TRIM2: variants seen among roughly 807,000 people sequenced by gnomAD.
The protein encoded by TRIM2 is tripartite motif-containing protein 2.
Under a neutral mutation model 75.2 loss-of-function variants are expected in TRIM2, and 20 were observed. The ratio of observed to expected loss-of-function variants is 0.27; its 90% CI spans 0.19 to 0.39. The LOEUF is 0.39. TRIM2 is among the 10% of genes least tolerant of loss of function. TRIM2 has a pLI of 1.00. For missense variants in TRIM2, 660 were observed against 990.8 expected (o/e 0.67, Z 4.48); for synonymous variants, 373 against 388.3 (o/e 0.96, Z 0.46).
intron 1 of TRIM2, among the ~76,000 whole-genome samples, chr4:153,214,403 A>G (rs569955203): frequency 8.0e-4 from 122 of 152,352 alleles, no homozygotes; most frequent in African/African-American, 2.8e-3. Context: ...CCATTTTAAA[A>G]TGCAAGTTTT....
intron 1 of TRIM2, among the ~76,000 whole-genome samples, chr4:153,153,936 A>G (rs917188472): frequency 6.6e-6 from 1 of 152,152 alleles, no homozygotes; most frequent in African/African-American, 2.4e-5. Flanking sequence ...AAAAGACCTC[A>G]ATTCCCTCCT....
chr4:153,300,529 G>A (rs181135706), intron 6 of TRIM2, among the ~76,000 whole-genome samples: 18 of 152,082 alleles, frequency 1.2e-4, no homozygotes, highest in African/African-American at 3.9e-4. Flanking sequence ...TCATATCCGC[G>A]ATGATTAGTG....
At chr4:153,299,522 G>T (rs554677083) in intron 6 of TRIM2, among the ~76,000 whole-genome samples, 17 of 152,242 alleles carry the variant, frequency 1.1e-4, no homozygotes, top group Admixed American at 1.0e-3. Context: ...CTTGACTTCA[G>T]TTTCTTTAGA....
rs374580437 is a variant in TRIM2, at chr4:153,258,427, G to A, written c.31-11908G>A. On this transcript the variant is annotated intron_variant, in intron 1 of 11. Transcript: ENST00000338700. ...GAAAAAAAAAAACCCTTGGGTTTTG[G>A]GTTGGTCCTTAGGTTTGCTTCCTGA... Among the ~76,000 whole-genome samples, 453 of 152,112 alleles carry A rather than the reference G, an allele frequency of 3.0e-3. 7 individuals are homozygous for A. The highest frequency in any genetic ancestry group is 0.01 in the African/African-American group (431 of 41,496).
chr4:153,295,981 C>T lies in TRIM2; in HGVS notation c.1455C>T (p.Tyr485=). The T allele has an allele frequency of 1.3e-6, 2 of 1,543,022 alleles. No individual in the cohort carries two copies. The highest frequency in any genetic ancestry group is 1.7e-6 in the Non-Finnish European group (2 of 1,148,148). ...CTGTGAAAAGACCCGCAAGCATGTA[C>T]AGCACTGGAAAACGAAAAGAGAATC... ...QKAVKRPASM[Y]STGKRKENPI... The change falls in exon 6 of 12, where the codon TAC becomes TAT. Residue 485 remains tyrosine, a synonymous_variant. Transcript: ENST00000338700. The surrounding 1 kb of genome is among the most constrained non-coding windows in gnomAD (Gnocchi z 7.2).
intron 2 of TRIM2, 112 bp downstream of exon 2, chr4:153,270,631 T>C (rs1324226392): frequency 2.2e-6 from 2 of 924,228 alleles, no homozygotes; most frequent in Non-Finnish European, 1.6e-6. Flanking sequence ...AACTAATCTC[T>C]TGTGCTTCTG....
At chr4:153,232,311 C>T (rs975011173) in intron 1 of TRIM2, among the ~76,000 whole-genome samples, 2 of 152,092 alleles carry the variant, frequency 1.3e-5, no homozygotes, top group East Asian at 3.9e-4. Context: ...CCAGCCTGGC[C>T]AACATGGTGA....
chr4:153,277,625 A>G (rs1758323806), intron 3 of TRIM2, among the ~76,000 whole-genome samples: 1 of 152,212 alleles, frequency 6.6e-6, no homozygotes, highest in African/African-American at 2.4e-5. Flanking sequence ...CTTTCACTTT[A>G]TAAGATGAAG....
At chr4:153,301,818 G>A (rs757896598) in intron 6 of TRIM2, among the ~76,000 whole-genome samples, 5 of 152,150 alleles carry the variant, frequency 3.3e-5, no homozygotes, top group Non-Finnish European at 4.4e-5. Context: ...TTATTTCTGA[G>A]CTCTCTATTC....
intron 10 of TRIM2, among the ~76,000 whole-genome samples, chr4:153,327,474 C>A (rs1282912729): frequency 6.6e-6 from 1 of 152,178 alleles, no homozygotes; most frequent in Non-Finnish European, 1.5e-5. Context: ...TTTGAGGAAA[C>A]CTTACTCTCA....
At chr4:153,302,257 T>C (rs1764072555) in intron 6 of TRIM2, among the ~76,000 whole-genome samples, 1 of 152,226 alleles carries the variant, frequency 6.6e-6, no homozygotes, top group Non-Finnish European at 1.5e-5. Context: ...CGTCTTTAAC[T>C]TTACATTCAA....
chr4:153,210,024 C>T (rs1312836654), intron 1 of TRIM2, among the ~76,000 whole-genome samples: 1 of 151,524 alleles, frequency 6.6e-6, no homozygotes. Flanking sequence ...TATAGTTTTC[C>T]AAGATATTCC....
intron 1 of TRIM2, among the ~76,000 whole-genome samples, chr4:153,177,140 T>C (rs962596775): frequency 1.2e-4 from 18 of 152,330 alleles, no homozygotes; most frequent in African/African-American, 4.3e-4. Context: ...ACCAGCCATT[T>C]CCTACATTCC....
chr4:153,334,183 C>T (rs1238257959), intron 11 of TRIM2, among the ~76,000 whole-genome samples: 3 of 151,748 alleles, frequency 2.0e-5, no homozygotes, highest in Non-Finnish European at 4.4e-5. Context: ...CCCTTCCCAC[C>T]CAATATTTGT....
chr4:153,296,117 A>T, intron 6 of TRIM2, 81 bp downstream of exon 6: 1 of 1,478,008 alleles, frequency 6.8e-7, no homozygotes, highest in Non-Finnish European at 9.0e-7. Flanking sequence ...GCAAATAGCA[A>T]CACTGCAGCC....
intron 1 of TRIM2, among the ~76,000 whole-genome samples, chr4:153,237,851 C>CT (rs1243691887): frequency 6.6e-6 from 1 of 151,978 alleles, no homozygotes; most frequent in South Asian, 2.1e-4. Context: ...TTAATTGTAT[C>CT]TTTTTTTCAA....
intron 2 of TRIM2, among the ~76,000 whole-genome samples, chr4:153,275,029 G>C (rs887035022): frequency 1.3e-5 from 2 of 152,178 alleles, no homozygotes; most frequent in Non-Finnish European, 2.9e-5. Flanking sequence ...GGAAAAAATT[G>C]TATAGTCTAA....
intron 1 of TRIM2, among the ~76,000 whole-genome samples, chr4:153,186,177 A>T (rs1041645720): frequency 3.3e-5 from 5 of 152,152 alleles, no homozygotes; most frequent in African/African-American, 4.8e-5. Flanking sequence ...AGCAGTGCCC[A>T]GGCTGAAAAA....
At chr4:153,207,657 T>A (rs1001170054) in intron 1 of TRIM2, among the ~76,000 whole-genome samples, 8 of 152,192 alleles carry the variant, frequency 5.3e-5, no homozygotes, top group African/African-American at 1.9e-4. Context: ...TCTCTCTGAT[T>A]TACTGGTGAC....
Sources: allele counts gnomAD v4.1 joint callset (sites outside exome capture counted in the v4.1 genomes callset), GRCh38; gene constraint gnomAD v4.1.1; non-coding constraint Gnocchi (gnomAD v3.1); transcripts MANE v1.5; gene names NCBI Gene and HGNC (gene_info 2026-07-23, HGNC 2026-07-21).